AEN: variants seen among roughly 807,000 people sequenced by gnomAD.
The protein encoded by AEN is apoptosis-enhancing nuclease.
A neutral mutation model predicts 17.7 loss-of-function variants in AEN; 21 were observed. The ratio of observed to expected loss-of-function variants is 1.19; its 90% CI spans 0.84 to 1.71. The LOEUF (loss-of-function observed/expected upper bound fraction) is 1.71, where lower values mean the gene tolerates loss of function less well. Ranked by LOEUF, AEN falls within the 40% of genes most tolerant of loss-of-function variation. The pLI is 0.00. For synonymous variants in AEN, 190 were observed against 173.0 expected, an observed-to-expected ratio of 1.10 and a Z score of -0.77; for missense variants, 462 against 435.9, an observed-to-expected ratio of 1.06 and a Z score of -0.53.
chr15:88,624,156 TC>T (rs1166622419), intron 1 of AEN, among the ~76,000 whole-genome samples: 1 of 152,228 alleles, frequency 6.6e-6, no homozygotes, highest in Non-Finnish European at 1.5e-5. Flanking sequence ...AAACTAAACT[TC>T]TTGGAGTCCA....
chr15:88,619,948 C>G (rs1454518197), upstream of AEN, among the ~76,000 whole-genome samples: 1 of 152,138 alleles, frequency 6.6e-6, no homozygotes, highest in Non-Finnish European at 1.5e-5. Context: ...CTCATCCATT[C>G]CTCTCTATGC....
upstream of AEN, among the ~76,000 whole-genome samples, chr15:88,620,077 C>A (rs77450274): frequency 5.0e-3 from 754 of 152,260 alleles, 6 homozygotes; most frequent in African/African-American, 0.016. Flanking sequence ...TCTCTTGTGA[C>A]CTCATCCCTT....
rs1177830497 is a variant in AEN, at chr15:88,631,984, C to G, written c.*1690C>G. 1 of 152,436 alleles carries G rather than the reference C, an allele frequency of 6.6e-6. No homozygotes were observed. The highest frequency in any genetic ancestry group is 1.5e-5 in the Non-Finnish European group (1 of 68,210). 9.4% of individuals were successfully genotyped at this position (152,436 alleles called of 1,614,324 possible). On this transcript the variant is annotated 3_prime_UTR_variant, in exon 4 of 4. Transcript: ENST00000332810. ...CACACTACCCCACCCTCAGCTGAAG[C>G]CCCACGTTCCACAAACTTGGGGTCA...
At chr15:88,613,539 T>A in the AEN span, among the ~76,000 whole-genome samples, 1 of 150,138 alleles carries the variant, frequency 6.7e-6, no homozygotes, top group Non-Finnish European at 1.5e-5. Flanking sequence ...TGGGGCTGGT[T>A]TGGAGATGGA....
chr15:88,615,140 A>T, the AEN span, among the ~76,000 whole-genome samples: 2 of 152,146 alleles, frequency 1.3e-5, no homozygotes, highest in Non-Finnish European at 2.9e-5. Flanking sequence ...CTGGGATTAC[A>T]GGCGTGAGCC....
the AEN span, among the ~76,000 whole-genome samples, chr15:88,615,479 G>T: frequency 6.6e-6 from 1 of 152,144 alleles, no homozygotes; most frequent in Non-Finnish European, 1.5e-5. Context: ...AAGAGGCGGG[G>T]AGCTGCGTGC....
At chr15:88,621,093 C>G (rs546373977), upstream of AEN, among the ~76,000 whole-genome samples, 2 of 152,316 alleles carry the variant, frequency 1.3e-5, no homozygotes, top group East Asian at 1.9e-4. Flanking sequence ...ACTGATGGGA[C>G]CGGGCAGGGA....
the AEN span, among the ~76,000 whole-genome samples, chr15:88,615,848 G>A: frequency 6.6e-6 from 1 of 152,052 alleles, no homozygotes; most frequent in Non-Finnish European, 1.5e-5. Flanking sequence ...GATCCCCACA[G>A]TACCCCCAAA....
the AEN span, among the ~76,000 whole-genome samples, chr15:88,608,881 T>G: frequency 6.6e-6 from 1 of 152,240 alleles, no homozygotes; most frequent in Admixed American, 6.5e-5. Context: ...ATTATCCCAG[T>G]CCTTTGTTGC....
chr15:88,617,800 T>A (rs1434385992), upstream of AEN, among the ~76,000 whole-genome samples: 1 of 151,874 alleles, frequency 6.6e-6, no homozygotes, highest in Non-Finnish European at 1.5e-5. Flanking sequence ...ATTTGCCTCA[T>A]AAGTGACTAG....
At chr15:88,621,973 T>G (rs1045298840) in intron 1 of AEN, among the ~76,000 whole-genome samples, 1 of 152,282 alleles carries the variant, frequency 6.6e-6, no homozygotes, top group African/African-American at 2.4e-5. Context: ...TAACTACATT[T>G]GGGAAGCCCT....
intron 3 of AEN, 70 bp downstream of exon 3, chr15:88,629,496 A>G: frequency 6.4e-7 from 1 of 1,553,924 alleles, no homozygotes; most frequent in South Asian, 1.2e-5. Flanking sequence ...AGCCACAGAC[A>G]AGGCTTTGGG....
chr15:88,631,048 G>C lies in AEN; in HGVS notation c.*754G>C. Reference sequence around the variant, plus strand: ...CTCAGGGAGGAGGGAAGGCAGGTAAGCTTTGGACGAGAACTGGCATATTTA... The same window carrying C: ...CTCAGGGAGGAGGGAAGGCAGGTAACCTTTGGACGAGAACTGGCATATTTA... On this transcript the variant is annotated 3_prime_UTR_variant, in exon 4 of 4. Transcript: ENST00000332810. The C allele has an allele frequency of 2.2e-6, 1 of 448,830 alleles. No homozygotes were observed. Among genetic ancestry groups the C allele is most frequent in the South Asian group, 1.6e-5 (1 of 64,444 alleles). 27.8% of individuals were successfully genotyped at this position (448,830 alleles called of 1,614,324 possible).
the AEN span, among the ~76,000 whole-genome samples, chr15:88,608,780 G>A: frequency 6.6e-6 from 1 of 152,238 alleles, no homozygotes; most frequent in Non-Finnish European, 1.5e-5. Flanking sequence ...AATGGATGGA[G>A]ACAATGACTC....
Position 88,626,655 on chromosome 15 carries a change from C to T in AEN, c.446C>T (p.Pro149Leu), listed in dbSNP as rs1384047388. ...GTCCTCTATGACAAGTACATCAGGC[C>T]TGAGATGCCCATCGCTGACTACCGT... ...GNVLYDKYIRPEMPIADYRTR... is the reference protein window; with the variant it reads ...GNVLYDKYIRLEMPIADYRTR... Residue 149 changes from proline (P) to leucine (L), a missense_variant, in exon 2 of 4, where the codon CCT becomes CTT. Coordinates refer to ENST00000332810, the MANE Select transcript of AEN (RefSeq NM_022767.4). The T allele has an allele frequency of 6.2e-7, 1 of 1,613,826 alleles. No homozygotes were observed. Among genetic ancestry groups the T allele is most frequent in the Admixed American group, 1.7e-5 (1 of 60,014 alleles).
At position 88,630,301 on chromosome 15, in the gene AEN, G is replaced by C. The variant is rs1438625146; in HGVS notation, c.*7G>C. 6.4e-7 allele frequency: 1 copy of C among 1,567,600 alleles called. No homozygotes were observed. The highest frequency in any genetic ancestry group is 1.2e-5 in the South Asian group (1 of 85,564). ...ACAGGACAGAAGGAATTGAGAAGGGGGCGGGGCTCCCTGGCTGGGCTTCCG... is the reference window on the plus strand; with the variant it reads ...ACAGGACAGAAGGAATTGAGAAGGGCGCGGGGCTCCCTGGCTGGGCTTCCG... On this transcript the variant is annotated 3_prime_UTR_variant, in exon 4 of 4. Transcript: ENST00000332810. The surrounding 1 kb of genome is among the most constrained non-coding windows in gnomAD (Gnocchi z 5.1).
chr15:88,629,637 C>T (rs1567106198), intron 3 of AEN, among the ~76,000 whole-genome samples: 1 of 152,192 alleles, frequency 6.6e-6, no homozygotes, highest in Admixed American at 6.5e-5. Flanking sequence ...GTGTGTACTG[C>T]GATTCTCCCA....
chr15:88,630,128 T>C lies in AEN; in HGVS notation c.812T>C (p.Val271Ala). The C allele has an allele frequency of 2.5e-6, 4 of 1,612,748 alleles. No homozygotes were observed. The highest frequency in any genetic ancestry group is 3.4e-6 in the Non-Finnish European group (4 of 1,179,798). ...ATGGAGCTCTACCGGCTGGTGGAGG[T>C]GCAGTGGGAACAGCAGGAGGCCCGC... ...TAMELYRLVE[V>A]QWEQQEARSL... Residue 271 changes from valine to alanine, a missense_variant, in exon 4 of 4, where the codon GTG becomes GCG. Physicochemically the swap from Val to Ala is moderately conservative, Grantham distance 64. Coordinates refer to ENST00000332810, the MANE Select transcript of AEN (RefSeq NM_022767.4). This position sits in a 1 kb window ranked among gnomAD's most constrained non-coding sequence, Gnocchi z 5.1.
chr15:88,612,448 C>T, the AEN span, among the ~76,000 whole-genome samples: 1 of 152,304 alleles, frequency 6.6e-6, no homozygotes, highest in African/African-American at 2.4e-5. Context: ...GTCCCAGTAC[C>T]TGCCTCTGTG....
Sources: allele counts gnomAD v4.1 joint callset (sites outside exome capture counted in the v4.1 genomes callset), GRCh38; gene constraint gnomAD v4.1.1; non-coding constraint Gnocchi (gnomAD v3.1); transcripts MANE v1.5; gene names NCBI Gene and HGNC (gene_info 2026-07-23, HGNC 2026-07-21).